The following NCK1 variants were observed in gnomAD, a reference collection of about 807,000 sequenced individuals.
NCK1 encodes the protein NCK adaptor protein 1.
Under a neutral mutation model 36.6 loss-of-function variants are expected in NCK1, and 19 were observed. That is an observed-to-expected ratio of 0.52 (90% CI 0.36 to 0.76). The LOEUF (loss-of-function observed/expected upper bound fraction) is 0.76, where lower values mean the gene tolerates loss of function less well. NCK1 is among the 30% of genes least tolerant of loss of function. The pLI is 0.00. For missense variants in NCK1, 358 were observed against 445.6 expected, an observed-to-expected ratio of 0.80 and a Z score of 1.77; for synonymous variants, 165 against 156.0, an observed-to-expected ratio of 1.06 and a Z score of -0.43.
chr3:136,900,861 A>G (rs1939523255), intron 1 of NCK1, among the ~76,000 whole-genome samples: 1 of 152,134 alleles, frequency 6.6e-6, no homozygotes, highest in African/African-American at 2.4e-5. Context: ...GCAAAGAGGG[A>G]CAGTTTGACT....
At chr3:136,927,949 A>T (rs1159481784) in intron 1 of NCK1, 35 bp from the exon 2 acceptor site, 1 of 1,425,010 alleles carries the variant, frequency 7.0e-7, no homozygotes, top group Non-Finnish European at 9.8e-7. Context: ...ATACTACCTC[A>T]ACCTTACATA....
chr3:136,921,403 A>G (rs1023611809), intron 1 of NCK1, among the ~76,000 whole-genome samples: 2 of 152,232 alleles, frequency 1.3e-5, no homozygotes, highest in African/African-American at 4.8e-5. Context: ...AACTGTGGGC[A>G]GTAGTTCCAA....
At chr3:136,933,857 A>G (rs2108136900) in intron 2 of NCK1, among the ~76,000 whole-genome samples, 1 of 152,184 alleles carries the variant, frequency 6.6e-6, no homozygotes, top group East Asian at 1.9e-4. Flanking sequence ...GGTGCATGCC[A>G]CCACACCTGG....
At position 136,868,273 on chromosome 3, in the gene NCK1, A is replaced by G. The variant is rs532038314; in HGVS notation, c.-19+5920A>G. 2.0e-5 allele frequency among the ~76,000 whole-genome samples: 3 copies of G among 152,194 alleles called. No homozygotes were observed. In the South Asian group the frequency reaches 6.2e-4, roughly 32 times the overall value. ...AGTCTATATACAGTTTCTTTCCCCT[A>G]TACTTGTTAGGTGTATTAACACCAT... On this transcript the variant is annotated intron_variant, in intron 1 of 3. Coordinates refer to ENST00000481752, the MANE Select transcript of NCK1 (RefSeq NM_001291999.2).
chr3:136,931,888 AG>A (rs1045860618), intron 2 of NCK1, among the ~76,000 whole-genome samples: 1 of 152,084 alleles, frequency 6.6e-6, no homozygotes, highest in Admixed American at 6.6e-5. Flanking sequence ...GGGAGGCCGA[AG>A]TGGGTGGATC....
At chr3:136,864,445 C>T (rs1042885672) in intron 1 of NCK1, among the ~76,000 whole-genome samples, 31 of 151,640 alleles carry the variant, frequency 2.0e-4, no homozygotes, top group Admixed American at 2.6e-4. Context: ...GAGCCAAGAT[C>T]GCCACTGCAC....
At chr3:136,899,144 G>C (rs1454058419) in intron 1 of NCK1, 2 of 199,018 alleles carry the variant, frequency 1.0e-5, no homozygotes, top group African/African-American at 4.7e-5. Flanking sequence ...CTCTGATTTG[G>C]AGACTTCATG....
At chr3:136,902,748 A>G (rs1329208171) in intron 1 of NCK1, among the ~76,000 whole-genome samples, 1 of 151,954 alleles carries the variant, frequency 6.6e-6, no homozygotes, top group Non-Finnish European at 1.5e-5. Context: ...AAGGCATCCA[A>G]ATTAGAAAAG....
intron 1 of NCK1, among the ~76,000 whole-genome samples, chr3:136,868,437 C>A (rs1320322059): frequency 6.6e-6 from 1 of 151,932 alleles, no homozygotes. Flanking sequence ...AAGGGATTCT[C>A]CTGCCTCAGC....
intron 1 of NCK1, among the ~76,000 whole-genome samples, chr3:136,865,022 G>C (rs1232510334): frequency 6.6e-6 from 1 of 151,706 alleles, no homozygotes; most frequent in East Asian, 1.9e-4. Flanking sequence ...GCAGTGGCGG[G>C]ATCTTGGCTC....
intron 1 of NCK1, among the ~76,000 whole-genome samples, chr3:136,893,198 A>ACACACACACACACACACACCATATTT (rs1347213828): frequency 2.5e-4 from 33 of 132,120 alleles, no homozygotes; most frequent in Middle Eastern, 3.9e-3. Flanking sequence ...ATATACACAC[A>ACACACACACACACACACACCATATTT]TGTGCAAGTA....
At chr3:136,913,482 T>C (rs773708436) in intron 1 of NCK1, among the ~76,000 whole-genome samples, 24 of 151,988 alleles carry the variant, frequency 1.6e-4, no homozygotes, top group Admixed American at 9.8e-4. Flanking sequence ...TGCCCAAGCT[T>C]GTCTAGAACT....
At chr3:136,873,637 T>C (rs1938688020) in intron 1 of NCK1, among the ~76,000 whole-genome samples, 1 of 152,154 alleles carries the variant, frequency 6.6e-6, no homozygotes, top group Non-Finnish European at 1.5e-5. Context: ...TCCCCACCCA[T>C]ATTTCATCTT....
At chr3:136,882,047 T>G (rs1938955905) in intron 1 of NCK1, among the ~76,000 whole-genome samples, 1 of 152,180 alleles carries the variant, frequency 6.6e-6, no homozygotes, top group Non-Finnish European at 1.5e-5. Flanking sequence ...ACCCAGAAGT[T>G]GAATTGCTGG....
At chr3:136,881,401 G>A (rs1938931892) in intron 1 of NCK1, among the ~76,000 whole-genome samples, 1 of 152,036 alleles carries the variant, frequency 6.6e-6, no homozygotes, top group South Asian at 2.1e-4. Context: ...TGTATTTTTA[G>A]TGGAGACGGG....
At chr3:136,870,945 T>C (rs553505802) in intron 1 of NCK1, among the ~76,000 whole-genome samples, 2 of 152,234 alleles carry the variant, frequency 1.3e-5, no homozygotes, top group Non-Finnish European at 2.9e-5. Flanking sequence ...AGGGTTGGCA[T>C]GGCATTCATT....
At chr3:136,896,391 T>G (rs1939391576) in intron 1 of NCK1, among the ~76,000 whole-genome samples, 1 of 152,214 alleles carries the variant, frequency 6.6e-6, no homozygotes. Context: ...ATACTATATT[T>G]GTCTTTCTAG....
chr3:136,920,314 C>A lies in NCK1; in HGVS notation c.-18-7670C>A, dbSNP rs560387832. 2.0e-5 allele frequency among the ~76,000 whole-genome samples: 3 copies of A among 152,074 alleles called. No homozygotes were observed. In the East Asian group the frequency reaches 5.8e-4, roughly 29 times the overall value. On this transcript the variant is annotated intron_variant, in intron 1 of 3. Coordinates refer to ENST00000481752, the MANE Select transcript of NCK1 (RefSeq NM_001291999.2). Reference sequence around the variant, plus strand: ...TAATTCTGTCCACTTTTGGAAATATCACTTTGAAATCATCCCCAATATGAG... The same window carrying A: ...TAATTCTGTCCACTTTTGGAAATATAACTTTGAAATCATCCCCAATATGAG...
In NCK1 at chr3:136,867,129, TTTCCTTCCTTCC is replaced by T. The variant is rs1223798209; in HGVS notation, c.-19+4816_-19+4827del. ...CTTTCTTTCTTTCTTTGTTTCTTTC[TTTCCTTCCTTCC>T]TTCCTTCCTTCCTTCCTTCCTTCCT... On this transcript the variant is annotated intron_variant, in intron 1 of 3. Coordinates refer to ENST00000481752, the MANE Select transcript of NCK1 (RefSeq NM_001291999.2). Among the ~76,000 whole-genome samples the T allele has an allele frequency of 2.3e-4, 7 of 30,682 alleles. 1 individual carries two copies. Among genetic ancestry groups the T allele is most frequent in the African/African-American group, 4.5e-4 (4 of 8,842 alleles). 20.1% of individuals were successfully genotyped at this position (30,682 alleles called of 152,430 possible). A position where few individuals can be genotyped will look rare whatever the true frequency, so the allele number is the denominator to read the frequency against.
Sources: gnomAD v4.1 joint callset for allele counts (sites outside exome capture counted in the v4.1 genomes callset) on GRCh38, gnomAD v4.1.1 for gene constraint, MANE v1.5 for transcripts, NCBI Gene and HGNC (gene_info 2026-07-23, HGNC 2026-07-21) for gene names.